Variants in PPP6C observed in about 807,000 individuals in gnomAD.
PPP6C encodes protein phosphatase 6 catalytic subunit, also known as serine/threonine-protein phosphatase 6 catalytic subunit.
A neutral mutation model predicts 39.8 loss-of-function variants in PPP6C; 11 were observed. The observed-to-expected ratio is 0.28, with a 90% CI of 0.17 to 0.46. PPP6C has a LOEUF of 0.46. Among genes scored for constraint, PPP6C ranks in the 20% least tolerant of loss-of-function variants. The pLI is 1.00. For synonymous variants in PPP6C, 129 were observed against 130.3 expected (o/e 0.99, Z 0.07); for missense variants, 211 against 373.9 (o/e 0.56, Z 3.59).
rs1182442660 is a variant in PPP6C, at chr9:125,148,832, T to C, written c.*841A>G. On this transcript the variant is annotated 3_prime_UTR_variant, in exon 7 of 7. Transcript: ENST00000373547. ...ACATTAATATGGCAGTTATGTTCTT[T>C]AGGCACAGTTTAGTGATTTTTTTCA... is the stretch of plus-strand genomic sequence containing the variant. 6.6e-6 allele frequency: 1 copy of C among 152,212 alleles called. No homozygotes were observed. Among genetic ancestry groups the C allele is most frequent in the Admixed American group, 6.5e-5 (1 of 15,278 alleles). 9.4% of individuals were successfully genotyped at this position (152,212 alleles called of 1,614,324 possible). A position where few individuals can be genotyped will look rare whatever the true frequency, so the allele number is the denominator to read the frequency against.
At chr9:125,152,833 A>G (rs543486131) in intron 6 of PPP6C, among the ~76,000 whole-genome samples, 1 of 147,616 alleles carries the variant, frequency 6.8e-6, no homozygotes, top group Non-Finnish European at 1.5e-5. Flanking sequence ...TCTTGTCTCA[A>G]AAAAAAAAAG....
intron 1 of PPP6C, among the ~76,000 whole-genome samples, chr9:125,182,924 T>C (rs1315357010): frequency 6.6e-6 from 1 of 151,924 alleles, no homozygotes; most frequent in Non-Finnish European, 1.5e-5. Context: ...TAGAGCACAT[T>C]TGGCAATCAA....
intron 1 of PPP6C, among the ~76,000 whole-genome samples, chr9:125,173,802 G>A (rs1829233623): frequency 6.6e-6 from 1 of 151,952 alleles, no homozygotes; most frequent in South Asian, 2.1e-4. Context: ...ATTTTTAGTA[G>A]AGACAAGGTT....
chr9:125,154,013 TA>T (rs761124315), intron 4 of PPP6C, 28 bp from the exon 5 acceptor site: 4 of 1,476,176 alleles, frequency 2.7e-6, no homozygotes, highest in Non-Finnish European at 3.8e-6. Context: ...GGGTTTTAAT[TA>T]ATGAATCTGC....
chr9:125,173,535 G>A (rs948223713), intron 1 of PPP6C, among the ~76,000 whole-genome samples: 2 of 151,204 alleles, frequency 1.3e-5, no homozygotes, highest in African/African-American at 4.9e-5. Context: ...CCGAGGTCGC[G>A]CCACTGCACT....
intron 2 of PPP6C, among the ~76,000 whole-genome samples, chr9:125,162,849 G>A (rs1488262623): frequency 6.6e-5 from 10 of 151,438 alleles, no homozygotes; most frequent in African/African-American, 9.7e-5. Context: ...AGGCCGAGGC[G>A]GGTGGATCAC....
chr9:125,187,239 A>T (rs573638257), intron 1 of PPP6C, among the ~76,000 whole-genome samples: 29 of 151,082 alleles, frequency 1.9e-4, no homozygotes, highest in African/African-American at 7.1e-4. Context: ...GAGCCACTGC[A>T]CCTGGCCAGA....
intron 2 of PPP6C, among the ~76,000 whole-genome samples, chr9:125,165,795 C>CTTTTTT (rs781221037): frequency 0.21 from 23,606 of 111,578 alleles, 1,949 homozygotes; most frequent in African/African-American, 0.23. Context: ...TAATCTTTTG[C>CTTTTTT]TTTTTTTTTT....
intron 1 of PPP6C, among the ~76,000 whole-genome samples, chr9:125,173,862 C>T (rs1322016240): frequency 1.3e-5 from 2 of 152,034 alleles, no homozygotes; most frequent in Non-Finnish European, 2.9e-5. Flanking sequence ...ATGATCCACC[C>T]GCCTCGGCCT....
Position 125,149,124 on chromosome 9 carries a change from G to T in PPP6C, c.*549C>A, listed in dbSNP as rs992940933. ...TAAAATTTAAAAACACAACAAGGAGGGCAGCCCTTTAGACCAATTTATTTT... is the reference window on the plus strand; with the variant it reads ...TAAAATTTAAAAACACAACAAGGAGTGCAGCCCTTTAGACCAATTTATTTT... On this transcript the variant is annotated 3_prime_UTR_variant, in exon 7 of 7. Coordinates refer to ENST00000373547, the MANE Select transcript of PPP6C (RefSeq NM_002721.5). 9 of 152,076 alleles carry T rather than the reference G, an allele frequency of 5.9e-5. No individual in the cohort carries two copies. Among genetic ancestry groups the T allele is most frequent in the African/African-American group, 2.2e-4 (9 of 41,390 alleles). The allele number at this position is 152,076 out of a possible 1,614,324, so 9.4% of individuals were successfully genotyped here. A position where few individuals can be genotyped will look rare whatever the true frequency, so the allele number is the denominator to read the frequency against.
At chr9:125,169,745 AG>A (rs1450535786) in intron 2 of PPP6C, among the ~76,000 whole-genome samples, 1 of 152,216 alleles carries the variant, frequency 6.6e-6, no homozygotes, top group African/African-American at 2.4e-5. Flanking sequence ...TGGAAATTTT[AG>A]GAAATCAATT....
At chr9:125,176,207 T>C (rs1364372) in intron 1 of PPP6C, among the ~76,000 whole-genome samples, 15,257 of 152,234 alleles carry the variant, frequency 0.1, 1,033 homozygotes, top group Non-Finnish European at 0.14. Flanking sequence ...CTGGTGTGTT[T>C]AGAGTAAACT....
chr9:125,151,728 G>A (rs559374473), intron 6 of PPP6C: 5 of 396,190 alleles, frequency 1.3e-5, no homozygotes, highest in South Asian at 9.0e-5. Context: ...GTATATCTGA[G>A]CTTATCCGAA....
At chr9:125,159,325 A>T (rs1828804516) in intron 3 of PPP6C, among the ~76,000 whole-genome samples, 1 of 151,458 alleles carries the variant, frequency 6.6e-6, no homozygotes, top group Admixed American at 6.6e-5. Context: ...CTGGGATTAC[A>T]GGCGTGAGCC....
intron 6 of PPP6C, chr9:125,150,907 C>A: frequency 2.2e-6 from 2 of 910,854 alleles, no homozygotes; most frequent in Non-Finnish European, 1.8e-6. Context: ...CAGCTTACTG[C>A]AGTCATCCCA....
At position 125,149,471 on chromosome 9, in the gene PPP6C, T is replaced by TG. The variant is rs554151776; in HGVS notation, c.*201dup. On this transcript the variant is annotated 3_prime_UTR_variant, in exon 7 of 7. Coordinates refer to ENST00000373547, the MANE Select transcript of PPP6C (RefSeq NM_002721.5). ...AAATGAGTCCAGGGTGGGGATGGGA[T>TG]GGGGGAAAATTGATAGAAAAACTTT... is the stretch of plus-strand genomic sequence containing the variant. The TG allele has an allele frequency of 1.2e-4, 70 of 571,472 alleles. 1 individual carries two copies. The South Asian group carries it at 2.3e-3, about 19-fold the overall frequency. 35.4% of individuals were successfully genotyped at this position (571,472 alleles called of 1,614,324 possible).
intron 6 of PPP6C, among the ~76,000 whole-genome samples, chr9:125,152,660 G>A (rs1395937787): frequency 2.0e-5 from 3 of 150,952 alleles, no homozygotes; most frequent in South Asian, 2.1e-4. Flanking sequence ...GTGAAACCCC[G>A]TCTCTACTAA....
chr9:125,183,713 A>C (rs1829465648), intron 1 of PPP6C, among the ~76,000 whole-genome samples: 1 of 152,106 alleles, frequency 6.6e-6, no homozygotes, highest in Non-Finnish European at 1.5e-5. Context: ...TTCTGTTTGC[A>C]TGTTCTTTCC....
At chr9:125,179,215 C>CAAAAAA (rs150040909) in intron 1 of PPP6C, among the ~76,000 whole-genome samples, 49 of 127,398 alleles carry the variant, frequency 3.8e-4, no homozygotes, top group South Asian at 3.1e-3. Flanking sequence ...AACTCCATCT[C>CAAAAAA]AAAAAAAAAA....
Sources: allele counts gnomAD v4.1 joint callset (sites outside exome capture counted in the v4.1 genomes callset), GRCh38; gene constraint gnomAD v4.1.1; transcripts MANE v1.5; gene names NCBI Gene and HGNC (gene_info 2026-07-23, HGNC 2026-07-21).